The following EPB42 variants were observed in gnomAD, a reference collection of about 807,000 sequenced individuals.
EPB42 encodes erythrocyte membrane protein band 4.2.
In EPB42, 49 loss-of-function variants were observed where a neutral mutation model predicts 76.9. That is an observed-to-expected ratio of 0.64 (90% CI 0.51 to 0.81). EPB42 has a LOEUF of 0.81. EPB42 is among the 30% of genes least tolerant of loss of function. EPB42 has a pLI of 0.00. For missense variants in EPB42, 731 were observed against 867.6 expected (o/e 0.84, Z 1.98); for synonymous variants, 310 against 338.4 (o/e 0.92, Z 0.92).
At chr15:43,200,502 C>G (rs1393381647) in intron 12 of EPB42, among the ~76,000 whole-genome samples, 1 of 151,954 alleles carries the variant, frequency 6.6e-6, no homozygotes, top group Non-Finnish European at 1.5e-5. Flanking sequence ...CACAGAAACA[C>G]CAAAAGAAAA....
chr15:43,209,119 G>A (rs1476604487), intron 6 of EPB42, among the ~76,000 whole-genome samples, 155 bp downstream of exon 6: 3 of 152,220 alleles, frequency 2.0e-5, no homozygotes, highest in Non-Finnish European at 2.9e-5. Flanking sequence ...AGAAGCTGGC[G>A]GGAGGAGCTG....
chr15:43,202,000 G>C (rs779143320), intron 11 of EPB42, 23 bp from the exon 12 acceptor site: 3 of 1,613,612 alleles, frequency 1.9e-6, no homozygotes, highest in South Asian at 1.1e-5. Flanking sequence ...GCAATACCTG[G>C]TGTGGATGCC....
chr15:43,221,505 G>T (rs1209892260), upstream of EPB42, among the ~76,000 whole-genome samples: 2 of 152,122 alleles, frequency 1.3e-5, no homozygotes, highest in Non-Finnish European at 2.9e-5. Flanking sequence ...AGAAGGTTGG[G>T]AACTATCTTG....
rs557219094 is a variant in EPB42 at position 43,213,802 on chromosome 15, G to A, written c.430+1293C>T. 7.9e-5 allele frequency among the ~76,000 whole-genome samples: 12 copies of A among 152,346 alleles called. No individual in the cohort carries two copies. The East Asian group carries it at 1.2e-3, about 15-fold the overall frequency. ...CCCATCTGCTGATCCACCTGCCTGCGCCCTTGGAGCAGGAAATAAGGGCCT... is the reference window on the plus strand; with the variant it reads ...CCCATCTGCTGATCCACCTGCCTGCACCCTTGGAGCAGGAAATAAGGGCCT... On this transcript the variant is annotated intron_variant, in intron 3 of 12. Transcript: ENST00000441366.
chr15:43,208,661 C>G lies in EPB42; in HGVS notation c.947G>C (p.Gly316Ala). 2 of 1,614,152 alleles carry G rather than the reference C, an allele frequency of 1.2e-6. No homozygotes were observed. Among genetic ancestry groups the G allele is most frequent in the Non-Finnish European group, 1.7e-6 (2 of 1,180,022 alleles). Residue 316 changes from glycine (G) to alanine (A), a missense_variant, in exon 7 of 13, where the codon GGA (glycine) becomes GCA (alanine). Physicochemically the swap from Gly to Ala is moderately conservative, Grantham distance 60. Coordinates refer to ENST00000441366, the MANE Select transcript of EPB42 (RefSeq NM_001114134.2). ...CCAGATTCTGCCTCTCTGGCCTTCT[C>G]CGTTCTGAAGTCCCTCCTCATTATA... ...EYYNEEGLQN[G>A]EGQRGRIWIF... is the part of the protein sequence containing the mutation.
intron 3 of EPB42, 51 bp from the exon 4 acceptor site, chr15:43,211,585 C>A: frequency 8.2e-7 from 1 of 1,219,036 alleles, no homozygotes; most frequent in South Asian, 1.2e-5. Flanking sequence ...TAGGTCCACC[C>A]TCCACATCCA....
rs958091313 is a variant in EPB42 at position 43,197,245 on chromosome 15, G to A, written c.*57C>T. The A allele has an allele frequency of 3.7e-6, 6 of 1,609,628 alleles. No homozygotes were observed. Among genetic ancestry groups the A allele is most frequent in the Non-Finnish European group, 4.3e-6 (5 of 1,176,380 alleles). The stretch of plus-strand genomic sequence containing the variant: ...CGCAAAGTTTCTCTTCCTAGCACAT[G>A]TTTGGTTTAGATTGTAGAACAAGGG... On this transcript the variant is annotated 3_prime_UTR_variant, in exon 13 of 13. Transcript: ENST00000441366.
At chr15:43,221,157 A>G (rs2042456713), upstream of EPB42, 2 of 390,542 alleles carry the variant, frequency 5.1e-6, no homozygotes, top group African/African-American at 4.2e-5. Flanking sequence ...CCTGCCAACT[A>G]GAGAAGCCTA....
intron 1 of EPB42, among the ~76,000 whole-genome samples, chr15:43,219,648 G>A (rs762047022): frequency 3.9e-5 from 6 of 152,298 alleles, no homozygotes; most frequent in South Asian, 4.1e-4. Flanking sequence ...GGTCTCTACA[G>A]AATAAAAAGA....
chr15:43,215,988 G>A (rs1346088431), intron 2 of EPB42, among the ~76,000 whole-genome samples: 6 of 152,172 alleles, frequency 3.9e-5, no homozygotes, highest in Non-Finnish European at 7.3e-5. Context: ...CACCACACCC[G>A]GCCCCATCCA....
At chr15:43,224,424 T>C (rs1200548724), upstream of EPB42, among the ~76,000 whole-genome samples, 1 of 152,190 alleles carries the variant, frequency 6.6e-6, no homozygotes, top group Non-Finnish European at 1.5e-5. Context: ...AAACTTTAAA[T>C]GTCTATACTT....
At chr15:43,223,349 T>C (rs2042479509), upstream of EPB42, among the ~76,000 whole-genome samples, 1 of 151,964 alleles carries the variant, frequency 6.6e-6, no homozygotes, top group South Asian at 2.1e-4. Context: ...ATGCAACAAG[T>C]TGGGTAAAAT....
intron 10 of EPB42, among the ~76,000 whole-genome samples, chr15:43,205,636 G>A (rs979100537): frequency 1.3e-5 from 2 of 152,218 alleles, no homozygotes; most frequent in East Asian, 1.9e-4. Context: ...CTGACCTCAG[G>A]TGATCTGTCC....
chr15:43,220,753 C>T, intron 1 of EPB42, 63 bp downstream of exon 1: 2 of 1,569,702 alleles, frequency 1.3e-6, no homozygotes, highest in African/African-American at 1.4e-5. Context: ...TTAATGAAAA[C>T]AGGTGATGCT....
At chr15:43,199,401 T>C (rs1001492730) in intron 12 of EPB42, among the ~76,000 whole-genome samples, 3 of 152,216 alleles carry the variant, frequency 2.0e-5, no homozygotes, top group Non-Finnish European at 4.4e-5. Flanking sequence ...CTGCTGGATT[T>C]TGGACTTGCA....
chr15:43,198,123 A>G (rs1157137540), intron 12 of EPB42, among the ~76,000 whole-genome samples: 3 of 152,186 alleles, frequency 2.0e-5, no homozygotes, highest in African/African-American at 7.2e-5. Flanking sequence ...CAAACAATAC[A>G]GTAAATTGGT....
At chr15:43,214,203 A>G (rs2042341648) in intron 3 of EPB42, among the ~76,000 whole-genome samples, 1 of 152,208 alleles carries the variant, frequency 6.6e-6, no homozygotes, top group Admixed American at 6.5e-5. Context: ...AAAGACAGAC[A>G]CAATCTTCAG....
At chr15:43,209,551 G>T in intron 5 of EPB42, 100 bp from the exon 6 acceptor site, 1 of 1,336,040 alleles carries the variant, frequency 7.5e-7, no homozygotes, top group Non-Finnish European at 1.0e-6. Context: ...CAACCATGGT[G>T]AACAGATCCC....
Position 43,206,277 on chromosome 15 carries a change from G to T in EPB42, c.1618+53C>A. 6.5e-7 allele frequency: 1 copy of T among 1,548,700 alleles called. No homozygotes were observed. ...GTGGCTGCTGCCTGCCCAAGGCAGG[G>T]GCCATGTGTGTGTGTGTGTCGGGGG... is the stretch of plus-strand genomic sequence containing the variant. On this transcript the variant is annotated intron_variant, in intron 10 of 12. Transcript: ENST00000441366. This position sits in a 1 kb window ranked among gnomAD's most constrained non-coding sequence, Gnocchi z 4.7.
Sources: allele counts gnomAD v4.1 joint callset (sites outside exome capture counted in the v4.1 genomes callset), GRCh38; gene constraint gnomAD v4.1.1; non-coding constraint Gnocchi (gnomAD v3.1); transcripts MANE v1.5; gene names NCBI Gene and HGNC (gene_info 2026-07-23, HGNC 2026-07-21).